OPCML: variants seen among roughly 807,000 people sequenced by gnomAD.
OPCML encodes the protein opioid binding protein/cell adhesion molecule like.
Under a neutral mutation model 37.8 loss-of-function variants are expected in OPCML, and 13 were observed. The observed-to-expected ratio is 0.34, with a 90% CI of 0.22 to 0.55. The LOEUF (loss-of-function observed/expected upper bound fraction) is 0.55. Among genes scored for constraint, OPCML ranks in the 20% least tolerant of loss-of-function variants. The probability of loss-of-function intolerance (pLI) is 0.91; values close to 1 mark genes in which losing one functional copy is unlikely to be tolerated. For missense variants in OPCML, 341 were observed against 435.6 expected, an observed-to-expected ratio of 0.78 and a Z score of 1.93; for synonymous variants, 176 against 168.8, an observed-to-expected ratio of 1.04 and a Z score of -0.33.
chr11:132,465,186 A>G (rs1357454997), intron 4 of OPCML, among the ~76,000 whole-genome samples: 1 of 152,148 alleles, frequency 6.6e-6, no homozygotes, highest in African/African-American at 2.4e-5. Context: ...GCACATTGCC[A>G]TGATCGTCCT....
intron 2 of OPCML, among the ~76,000 whole-genome samples, chr11:132,780,617 C>G (rs1009529479): frequency 2.0e-5 from 3 of 152,110 alleles, no homozygotes; most frequent in Admixed American, 1.3e-4. Flanking sequence ...TCAGAATAGG[C>G]TGGGAGGTAG....
At chr11:132,840,726 A>G (rs145310578) in intron 2 of OPCML, among the ~76,000 whole-genome samples, 59 of 152,314 alleles carry the variant, frequency 3.9e-4, no homozygotes, top group African/African-American at 1.3e-3. Context: ...CGCTTTTATA[A>G]TTTTATCCTT....
intron 3 of OPCML, among the ~76,000 whole-genome samples, chr11:132,620,248 A>T (rs540814848): frequency 4.4e-4 from 67 of 152,358 alleles, no homozygotes; most frequent in African/African-American, 1.5e-3. Flanking sequence ...TGAAACTCAC[A>T]GACATAAAAC....
At chr11:133,493,573 GCA>G (rs1947713413) in intron 1 of OPCML, among the ~76,000 whole-genome samples, 1 of 151,548 alleles carries the variant, frequency 6.6e-6, no homozygotes, top group South Asian at 2.1e-4. Context: ...CTGCATAAAG[GCA>G]GTATAACCTA....
Position 133,102,788 on chromosome 11 carries a change from A to G in OPCML, c.62-159778T>C, listed in dbSNP as rs144323409. 1.9e-3 allele frequency among the ~76,000 whole-genome samples: 288 copies of G among 151,628 alleles called. 1 individual carries two copies. Among genetic ancestry groups the G allele is most frequent in the African/African-American group, 6.6e-3 (273 of 41,480 alleles). On this transcript the variant is annotated intron_variant, in intron 1 of 7. Coordinates refer to ENST00000524381, the MANE Select transcript of OPCML (RefSeq NM_001012393.5). ...CAAAACAAAAACAAACAACAACAAC[A>G]ACAAAAAAAACTATGCCAAATTTGA...
At chr11:132,619,266 C>G (rs1016807248) in intron 3 of OPCML, among the ~76,000 whole-genome samples, 1 of 152,092 alleles carries the variant, frequency 6.6e-6, no homozygotes, top group African/African-American at 2.4e-5. Flanking sequence ...ATAGCACTCC[C>G]CATTTCTTTC....
intron 2 of OPCML, among the ~76,000 whole-genome samples, chr11:132,873,604 A>C (rs539048022): frequency 6.6e-6 from 1 of 152,260 alleles, no homozygotes; most frequent in South Asian, 2.1e-4. Context: ...GGGAGAGGAA[A>C]GACAACAGAA....
chr11:133,420,733 A>G, intron 1 of OPCML: 1 of 985,404 alleles, frequency 1.0e-6, no homozygotes, highest in Non-Finnish European at 1.2e-6. Flanking sequence ...GGGCTTGGGG[A>G]CTAGGTTTAA....
chr11:133,062,627 C>G (rs1948367884), intron 1 of OPCML, among the ~76,000 whole-genome samples: 1 of 152,208 alleles, frequency 6.6e-6, no homozygotes, highest in Non-Finnish European at 1.5e-5. Flanking sequence ...ATGAGATCTT[C>G]TGAGCCCTGC....
At chr11:133,272,890 C>T (rs1274747254) in intron 1 of OPCML, among the ~76,000 whole-genome samples, 2 of 152,162 alleles carry the variant, frequency 1.3e-5, no homozygotes, top group African/African-American at 2.4e-5. Flanking sequence ...CAGCAGGGGG[C>T]AGAAGAAATG....
At chr11:132,915,189 T>G (rs551490026) in intron 2 of OPCML, among the ~76,000 whole-genome samples, 1 of 152,324 alleles carries the variant, frequency 6.6e-6, no homozygotes, top group Admixed American at 6.5e-5. Context: ...CTTGCTTGTG[T>G]GTAAACCACC....
At chr11:133,489,488 A>G (rs1304897120) in intron 1 of OPCML, among the ~76,000 whole-genome samples, 2 of 152,202 alleles carry the variant, frequency 1.3e-5, no homozygotes, top group African/African-American at 4.8e-5. Flanking sequence ...AGTGCTGAAC[A>G]TCACTAATCA....
chr11:132,568,051 CGCGT>C (rs568089025), intron 3 of OPCML, among the ~76,000 whole-genome samples: 3,666 of 149,964 alleles, frequency 0.024, 109 homozygotes, highest in East Asian at 0.056. Context: ...TGCGCGCGCG[CGCGT>C]GTGTGTGTGT....
chr11:132,859,796 T>C (rs1050866911), intron 2 of OPCML, among the ~76,000 whole-genome samples: 1 of 152,240 alleles, frequency 6.6e-6, no homozygotes, highest in African/African-American at 2.4e-5. Context: ...AACAAAATAC[T>C]TCCCGTATTT....
At chr11:132,441,067 G>C (rs1024261558) in intron 4 of OPCML, among the ~76,000 whole-genome samples, 1 of 151,974 alleles carries the variant, frequency 6.6e-6, no homozygotes, top group Non-Finnish European at 1.5e-5. Context: ...ATAGGAAGGA[G>C]AGGGAGGAGG....
chr11:133,222,812 G>A (rs1251664456), intron 1 of OPCML, among the ~76,000 whole-genome samples: 2 of 151,876 alleles, frequency 1.3e-5, no homozygotes, highest in Non-Finnish European at 2.9e-5. Flanking sequence ...GGGAGCAAAG[G>A]GGGGCCGAGC....
intron 1 of OPCML, among the ~76,000 whole-genome samples, chr11:132,948,782 G>A (rs1184942039): frequency 1.3e-5 from 2 of 152,134 alleles, no homozygotes; most frequent in Admixed American, 6.5e-5. Context: ...TCGTTATGTA[G>A]CCAAACTCCC....
At chr11:132,764,618 C>T (rs891435621) in intron 2 of OPCML, among the ~76,000 whole-genome samples, 1 of 152,150 alleles carries the variant, frequency 6.6e-6, no homozygotes, top group Non-Finnish European at 1.5e-5. Flanking sequence ...TAAAACCCAG[C>T]ACATAGTAAG....
intron 1 of OPCML, among the ~76,000 whole-genome samples, chr11:132,993,159 T>G (rs1462769361): frequency 6.6e-6 from 1 of 152,294 alleles, no homozygotes; most frequent in South Asian, 2.1e-4. Context: ...ATGTCATCCT[T>G]AGTGCAGCTC....
Sources: allele counts gnomAD v4.1 joint callset (sites outside exome capture counted in the v4.1 genomes callset), GRCh38; gene constraint gnomAD v4.1.1; transcripts MANE v1.5; gene names NCBI Gene and HGNC (gene_info 2026-07-23, HGNC 2026-07-21).